Variants in COL21A1 observed in about 807,000 individuals in gnomAD.
COL21A1 encodes the protein collagen alpha-1(XXI) chain.
Under a neutral mutation model 137.9 loss-of-function variants are expected in COL21A1, and 149 were observed. That is an observed-to-expected ratio of 1.08 (90% CI 0.95 to 1.24). The LOEUF (loss-of-function observed/expected upper bound fraction) is 1.24. COL21A1 is among the 50% of genes most tolerant of loss of function. The pLI is 0.00. For synonymous variants in COL21A1, 456 were observed against 391.5 expected (o/e 1.16, Z -1.95); for missense variants, 1,167 against 1,158.4 (o/e 1.01, Z -0.11).
intron 1 of COL21A1, among the ~76,000 whole-genome samples, chr6:56,238,985 A>T (rs1022147151): frequency 1.3e-5 from 2 of 152,178 alleles, no homozygotes; most frequent in African/African-American, 4.8e-5. Context: ...CTGAATACAC[A>T]CTTGACACAT....
chr6:56,387,104 G>A (rs2094019600), intron 1 of COL21A1, among the ~76,000 whole-genome samples: 1 of 152,212 alleles, frequency 6.6e-6, no homozygotes, highest in Non-Finnish European at 1.5e-5. Flanking sequence ...TGCGTTAAAT[G>A]CTTCTAAGGA....
At chr6:56,081,399 T>G (rs1039116355) in intron 17 of COL21A1, among the ~76,000 whole-genome samples, 4 of 151,956 alleles carry the variant, frequency 2.6e-5, no homozygotes, top group Non-Finnish European at 5.9e-5. Flanking sequence ...ACCTTTCCTT[T>G]TCATGTTTGG....
intron 1 of COL21A1, among the ~76,000 whole-genome samples, chr6:56,314,870 A>T (rs111887498): frequency 6.6e-6 from 1 of 152,164 alleles, no homozygotes; most frequent in South Asian, 2.1e-4. Flanking sequence ...TGTAAACCCA[A>T]GCAAAACCAC....
At chr6:56,312,899 A>G (rs1388616733) in intron 1 of COL21A1, among the ~76,000 whole-genome samples, 1 of 152,186 alleles carries the variant, frequency 6.6e-6, no homozygotes, top group Non-Finnish European at 1.5e-5. Context: ...GAGCCAGTAG[A>G]AATTGATGTC....
At chr6:56,304,691 A>G (rs978607360) in intron 1 of COL21A1, among the ~76,000 whole-genome samples, 4 of 152,008 alleles carry the variant, frequency 2.6e-5, no homozygotes, top group Non-Finnish European at 5.9e-5. Flanking sequence ...CAGCTCCTGG[A>G]TTCATTGATT....
At chr6:56,201,526 T>C (rs1385289642) in intron 1 of COL21A1, among the ~76,000 whole-genome samples, 2 of 152,198 alleles carry the variant, frequency 1.3e-5, no homozygotes, top group Non-Finnish European at 2.9e-5. Flanking sequence ...TACATATGGC[T>C]AGCCAGTTTT....
intron 17 of COL21A1, among the ~76,000 whole-genome samples, chr6:56,087,199 A>G (rs564622023): frequency 2.0e-5 from 3 of 152,276 alleles, no homozygotes; most frequent in African/African-American, 7.2e-5. Context: ...CTCCAGTAGA[A>G]TTTTATGTTT....
intron 10 of COL21A1, among the ~76,000 whole-genome samples, chr6:56,143,454 CCTCCCAAAGT>C (rs1473858724): frequency 6.6e-6 from 1 of 152,082 alleles, no homozygotes. Context: ...CCCTCCTCGG[CCTCCCAAAGT>C]GCTAGGATTA....
intron 1 of COL21A1, among the ~76,000 whole-genome samples, chr6:56,234,593 C>T (rs968891393): frequency 4.6e-5 from 7 of 151,776 alleles, no homozygotes; most frequent in Admixed American, 4.6e-4. Context: ...TAATAGTACA[C>T]ATTTAGGATT....
At chr6:56,260,681 A>AGGCAGGCAGGC (rs1562028952) in intron 1 of COL21A1, among the ~76,000 whole-genome samples, 28 of 110,258 alleles carry the variant, frequency 2.5e-4, no homozygotes, top group African/African-American at 1.3e-3. Flanking sequence ...GGAAGGAAGG[A>AGGCAGGCAGGC]AGGAAGGAAG....
chr6:56,350,183 G>T (rs916765821), intron 1 of COL21A1, among the ~76,000 whole-genome samples: 17 of 152,166 alleles, frequency 1.1e-4, no homozygotes, highest in Non-Finnish European at 2.9e-5. Flanking sequence ...ATATACACTT[G>T]CAGTCCACTC....
intron 10 of COL21A1, among the ~76,000 whole-genome samples, chr6:56,154,350 T>C (rs1360844792): frequency 6.6e-6 from 1 of 152,206 alleles, no homozygotes; most frequent in Non-Finnish European, 1.5e-5. Context: ...TGGCATTCTG[T>C]TATGCAACAG....
At chr6:56,369,414 T>A (rs1766173435) in intron 1 of COL21A1, among the ~76,000 whole-genome samples, 2 of 151,322 alleles carry the variant, frequency 1.3e-5, no homozygotes, top group Admixed American at 1.3e-4. Flanking sequence ...GGGTGTTATG[T>A]AAAATTGTGT....
Position 56,180,090 on chromosome 6 carries a change from T to C in COL21A1, c.128A>G (p.Asp43Gly), listed in dbSNP as rs750525732. 6.2e-7 allele frequency: 1 copy of C among 1,613,392 alleles called. No individual in the cohort carries two copies. ...TAPTDLVFIL[D>G]GSYSVGPENF... ...TTCTGGGCCAACACTATAAGAGCCA[T>C]CTAAGATGAAAACTAAATCTGTCGG... is the stretch of plus-strand genomic sequence containing the variant. The change falls in exon 3 of 30, where the codon GAT (aspartate) becomes GGT (glycine). Residue 43 changes from aspartate (D) to glycine (G), a missense_variant. Transcript: ENST00000244728.
At chr6:56,195,190 T>C (rs1383092494) in intron 1 of COL21A1, among the ~76,000 whole-genome samples, 1 of 152,148 alleles carries the variant, frequency 6.6e-6, no homozygotes, top group African/African-American at 2.4e-5. Flanking sequence ...TTATAAATTA[T>C]GCAGTTTTGA....
intron 17 of COL21A1, among the ~76,000 whole-genome samples, chr6:56,092,706 C>T (rs6933044): frequency 0.017 from 2,548 of 152,212 alleles, 74 homozygotes; most frequent in African/African-American, 0.059. Flanking sequence ...TACTCACATA[C>T]ATTTTTATAT....
chr6:56,068,317 A>G (rs1044614498), intron 22 of COL21A1, among the ~76,000 whole-genome samples: 2 of 151,626 alleles, frequency 1.3e-5, no homozygotes, highest in African/African-American at 4.8e-5. Flanking sequence ...TGTCTTTTCC[A>G]GAATAAAAAC....
At chr6:56,124,364 A>G (rs185081993) in intron 14 of COL21A1, 72 bp from the exon 15 acceptor site, 3 of 1,377,410 alleles carry the variant, frequency 2.2e-6, no homozygotes, top group Non-Finnish European at 2.0e-6. Flanking sequence ...AAACTTAAAT[A>G]GAAAAGCTAC....
At chr6:56,072,016 C>G (rs890042772) in intron 20 of COL21A1, among the ~76,000 whole-genome samples, 1 of 151,470 alleles carries the variant, frequency 6.6e-6, no homozygotes, top group African/African-American at 2.4e-5. Flanking sequence ...TGTTCCTCTC[C>G]CTGTGTCCAT....
Sources: allele counts gnomAD v4.1 joint callset (sites outside exome capture counted in the v4.1 genomes callset), GRCh38; gene constraint gnomAD v4.1.1; transcripts MANE v1.5; gene names NCBI Gene and HGNC (gene_info 2026-07-23, HGNC 2026-07-21).